The following ASTN2 variants were observed in gnomAD, a reference collection of about 807,000 sequenced individuals.
The protein encoded by ASTN2 is astrotactin 2, also known as astrotactin-2.
In ASTN2, 54 loss-of-function variants were observed where a neutral mutation model predicts 139.8. The observed-to-expected ratio is 0.39, with a 90% CI of 0.31 to 0.48. ASTN2 has a LOEUF of 0.48. ASTN2 is among the 20% of genes least tolerant of loss of function. The pLI is 0.95. For synonymous variants in ASTN2, 756 were observed against 719.5 expected (o/e 1.05, Z -0.81); for missense variants, 1,565 against 1,725.1 (o/e 0.91, Z 1.64).
chr9:117,249,253 A>G (rs557549392), intron 2 of ASTN2, among the ~76,000 whole-genome samples: 1 of 152,154 alleles, frequency 6.6e-6, no homozygotes, highest in African/African-American at 2.4e-5. Flanking sequence ...AAAAGGATCC[A>G]CGGGAAATCT....
intron 3 of ASTN2, among the ~76,000 whole-genome samples, chr9:117,170,240 T>C (rs1041241712): frequency 1.3e-5 from 2 of 152,102 alleles, no homozygotes; most frequent in African/African-American, 4.8e-5. Flanking sequence ...TCAATTTCAA[T>C]TGCATCCACC....
intron 3 of ASTN2, among the ~76,000 whole-genome samples, chr9:117,166,231 CA>C (rs903570528): frequency 3.9e-5 from 6 of 152,026 alleles, no homozygotes; most frequent in African/African-American, 1.4e-4. Context: ...AAAAGAGACA[CA>C]AAAAACAAAT....
intron 19 of ASTN2, among the ~76,000 whole-genome samples, chr9:116,488,560 A>G (rs1476634999): frequency 1.3e-5 from 2 of 152,396 alleles, no homozygotes; most frequent in East Asian, 1.9e-4. Flanking sequence ...GGCTATATCA[A>G]TTGAGTTCAA....
chr9:116,433,141 G>T (rs933553754), intron 22 of ASTN2, among the ~76,000 whole-genome samples: 7 of 152,172 alleles, frequency 4.6e-5, no homozygotes, highest in African/African-American at 1.7e-4. Flanking sequence ...GGTTTATGTG[G>T]ATTTGTTTAT....
chr9:116,693,135 G>T (rs1419302444), intron 16 of ASTN2, among the ~76,000 whole-genome samples: 1 of 152,118 alleles, frequency 6.6e-6, no homozygotes, highest in Non-Finnish European at 1.5e-5. Context: ...TGTTAATGCT[G>T]TTTCTGGTTA....
chr9:117,176,904 A>G (rs933712415), intron 3 of ASTN2, among the ~76,000 whole-genome samples: 5 of 152,202 alleles, frequency 3.3e-5, no homozygotes, highest in African/African-American at 9.7e-5. Context: ...AGCCTGGGTG[A>G]CAGAATAAGA....
At position 116,586,579 on chromosome 9, in the gene ASTN2, G is replaced by A. The variant is rs139198306; in HGVS notation, c.3355+31745C>T. On this transcript the variant is annotated intron_variant, in intron 19 of 22. Transcript: ENST00000313400. ...TATTTGTGTTCTCACTTATAAGTGG[G>A]AGCTTAACATTGAGTACCCATGGGC... Among the ~76,000 whole-genome samples, 331 of 152,180 alleles carry A rather than the reference G, an allele frequency of 2.2e-3. 4 individuals are homozygous for A. The highest frequency in any genetic ancestry group is 7.5e-3 in the African/African-American group (313 of 41,498).
chr9:116,480,383 G>A (rs1477898453), intron 20 of ASTN2, among the ~76,000 whole-genome samples: 1 of 152,200 alleles, frequency 6.6e-6, no homozygotes, highest in African/African-American at 2.4e-5. Context: ...CATGAGTGAA[G>A]GGGAGAAGTC....
At chr9:116,939,724 C>T (rs1044178989) in intron 10 of ASTN2, among the ~76,000 whole-genome samples, 5 of 152,078 alleles carry the variant, frequency 3.3e-5, no homozygotes, top group African/African-American at 1.2e-4. Flanking sequence ...AATACAATAC[C>T]AATGTGGTCT....
chr9:117,335,949 C>T (rs1367075920), intron 1 of ASTN2, among the ~76,000 whole-genome samples: 2 of 150,388 alleles, frequency 1.3e-5, no homozygotes, highest in Non-Finnish European at 2.9e-5. Context: ...TCCAGGCACA[C>T]ATTTAGCAAT....
At chr9:116,497,038 C>A (rs1588114706) in intron 19 of ASTN2, among the ~76,000 whole-genome samples, 1 of 152,132 alleles carries the variant, frequency 6.6e-6, no homozygotes, top group Admixed American at 6.6e-5. Context: ...GTTATTTCCC[C>A]ACACTTTTTT....
chr9:116,987,367 C>A (rs1362964234), intron 7 of ASTN2, among the ~76,000 whole-genome samples: 5 of 152,218 alleles, frequency 3.3e-5, no homozygotes, highest in Admixed American at 3.3e-4. Context: ...TGTGGGGTGG[C>A]CAGGCTGCTG....
intron 17 of ASTN2, among the ~76,000 whole-genome samples, chr9:116,641,262 G>A (rs1857315127): frequency 6.6e-6 from 1 of 152,166 alleles, no homozygotes; most frequent in African/African-American, 2.4e-5. Flanking sequence ...TGAATGCAAT[G>A]ACATTGTCTT....
At chr9:117,012,994 G>A (rs1297506105) in intron 6 of ASTN2, among the ~76,000 whole-genome samples, 1 of 152,106 alleles carries the variant, frequency 6.6e-6, no homozygotes. Context: ...AAAATCTAAG[G>A]CAAAGCATGA....
chr9:117,318,062 G>A (rs1031221414), intron 1 of ASTN2, among the ~76,000 whole-genome samples: 1 of 152,148 alleles, frequency 6.6e-6, no homozygotes, highest in South Asian at 2.1e-4. Flanking sequence ...AACCACAGTG[G>A]GATGCAGGCA....
At chr9:117,187,509 G>C (rs1189973876) in intron 3 of ASTN2, among the ~76,000 whole-genome samples, 5 of 152,174 alleles carry the variant, frequency 3.3e-5, no homozygotes, top group African/African-American at 1.2e-4. Context: ...TGAAGATTCT[G>C]ACCTCATTAA....
intron 3 of ASTN2, among the ~76,000 whole-genome samples, chr9:117,206,270 A>G (rs1831919293): frequency 6.6e-6 from 1 of 152,170 alleles, no homozygotes; most frequent in South Asian, 2.1e-4. Context: ...GGCCTGGATT[A>G]GATTTGCCTA....
At chr9:116,690,567 T>TA (rs1860516769) in intron 16 of ASTN2, among the ~76,000 whole-genome samples, 1 of 152,186 alleles carries the variant, frequency 6.6e-6, no homozygotes, top group Admixed American at 6.5e-5. Flanking sequence ...GTCTTTCTGG[T>TA]AAAACAATCA....
intron 16 of ASTN2, among the ~76,000 whole-genome samples, chr9:116,718,008 C>A (rs1828361698): frequency 1.3e-5 from 2 of 152,168 alleles, no homozygotes; most frequent in African/African-American, 4.8e-5. Flanking sequence ...AGGCATGGTC[C>A]CTGCCCTCAC....
Sources: allele counts gnomAD v4.1 joint callset (sites outside exome capture counted in the v4.1 genomes callset), GRCh38; gene constraint gnomAD v4.1.1; transcripts MANE v1.5; gene names NCBI Gene and HGNC (gene_info 2026-07-23, HGNC 2026-07-21).